The following LRP8 variants were observed in gnomAD, a reference collection of about 807,000 sequenced individuals.
The protein encoded by LRP8 is low-density lipoprotein receptor-related protein 8.
Under a neutral mutation model 111.6 loss-of-function variants are expected in LRP8, and 46 were observed. The ratio of observed to expected loss-of-function variants is 0.41; its 90% CI spans 0.33 to 0.53. The LOEUF (loss-of-function observed/expected upper bound fraction) is 0.53, where lower values mean the gene tolerates loss of function less well. Among genes scored for constraint, LRP8 ranks in the 20% least tolerant of loss-of-function variants. The probability of loss-of-function intolerance (pLI) is 0.20; values close to 1 mark genes in which losing one functional copy is unlikely to be tolerated. For synonymous variants in LRP8, 464 were observed against 511.2 expected (o/e 0.91, Z 1.24); for missense variants, 959 against 1,297.4 (o/e 0.74, Z 4.01).
At position 53,249,545 on chromosome 1, in the gene LRP8, G is replaced by T. The variant is rs1645831253; in HGVS notation, c.2688C>A (p.Ser896Arg). 6.2e-7 allele frequency: 1 copy of T among 1,601,162 alleles called. No individual in the cohort carries two copies. ...IGHVYPAAIS[S>R]FDRPLWAEPC... ...GCTCTGCCCACAGTGGGCGATCAAA[G>T]CTGCTGATTGCCTGACAGGGGGATG... is the stretch of plus-strand genomic sequence containing the variant. The change falls in exon 18 of 19, where the codon AGC (serine) becomes AGA (arginine). Residue 896 changes from serine (S) to arginine (R), a missense_variant. Physicochemically the swap from Ser to Arg is moderately radical, Grantham distance 110 (BLOSUM62 -1). Coordinates refer to ENST00000306052, the MANE Select transcript of LRP8 (RefSeq NM_004631.5). This position sits in a 1 kb window ranked among gnomAD's most constrained non-coding sequence, Gnocchi z 4.1.
At chr1:53,311,148 G>T (rs1652916759) in intron 2 of LRP8, among the ~76,000 whole-genome samples, 1 of 151,918 alleles carries the variant, frequency 6.6e-6, no homozygotes, top group African/African-American at 2.4e-5. Flanking sequence ...CCCTGCCCTG[G>T]TCCACCCCCA....
intron 2 of LRP8, 114 bp from the exon 3 acceptor site, chr1:53,289,803 G>C: frequency 7.3e-7 from 1 of 1,366,206 alleles, no homozygotes; most frequent in Non-Finnish European, 1.0e-6. Context: ...CTGACCAAGG[G>C]CAGAGGACAG....
At chr1:53,278,221 CT>C (rs147770275) in intron 4 of LRP8, among the ~76,000 whole-genome samples, 1,832 of 152,306 alleles carry the variant, frequency 0.012, 42 homozygotes, top group African/African-American at 0.042. Flanking sequence ...CTTGGCTTTT[CT>C]GGTTTTCTCC....
intron 3 of LRP8, among the ~76,000 whole-genome samples, chr1:53,284,588 A>C (rs2100444382): frequency 6.6e-6 from 1 of 152,296 alleles, no homozygotes; most frequent in Middle Eastern, 3.4e-3. Flanking sequence ...GGTTCTACAG[A>C]CCCCAGTGCA....
Position 53,279,255 on chromosome 1 carries a change from C to T in LRP8, c.496+1332G>A, listed in dbSNP as rs1647030657. On this transcript the variant is annotated intron_variant, in intron 4 of 18. Coordinates refer to ENST00000306052, the MANE Select transcript of LRP8 (RefSeq NM_004631.5). This position sits in a 1 kb window ranked among gnomAD's most constrained non-coding sequence, Gnocchi z 4.4. ...AGGGGTGGGAGGACTCTTTCCTCTG[C>T]CTAGGAGGGTGGAAGCTATAGCATA... is the stretch of plus-strand genomic sequence containing the variant. Among the ~76,000 whole-genome samples the T allele has an allele frequency of 6.6e-6, 1 of 152,048 alleles. No homozygotes were observed. Among genetic ancestry groups the T allele is most frequent in the Non-Finnish European group, 1.5e-5 (1 of 67,992 alleles).
intron 6 of LRP8, among the ~76,000 whole-genome samples, chr1:53,273,564 G>A (rs1198535148): frequency 6.6e-6 from 1 of 152,232 alleles, no homozygotes; most frequent in Non-Finnish European, 1.5e-5. Flanking sequence ...AGAGGGATTA[G>A]TAGGACAGTA....
At chr1:53,311,613 G>A (rs1572665833) in intron 2 of LRP8, among the ~76,000 whole-genome samples, 1 of 124,446 alleles carries the variant, frequency 8.0e-6, no homozygotes, top group Non-Finnish European at 1.5e-5. Flanking sequence ...TCCCCAGTGT[G>A]CTCCCCAGCC....
intron 2 of LRP8, among the ~76,000 whole-genome samples, chr1:53,315,840 C>A (rs759600233): frequency 5.3e-5 from 8 of 152,206 alleles, no homozygotes; most frequent in Non-Finnish European, 2.9e-5. Context: ...TGGAGGGCAG[C>A]CAGCCAGGTA....
At chr1:53,271,471 C>G (rs1011073053) in intron 6 of LRP8, 125 bp from the exon 7 acceptor site, 1 of 1,050,290 alleles carries the variant, frequency 9.5e-7, no homozygotes, top group East Asian at 2.4e-5. Context: ...CAGGAGGGCT[C>G]CACAACCTCA....
At chr1:53,316,359 T>A (rs1653796751) in intron 2 of LRP8, among the ~76,000 whole-genome samples, 1 of 152,098 alleles carries the variant, frequency 6.6e-6, no homozygotes, top group Non-Finnish European at 1.5e-5. Context: ...AGGCAGCTGA[T>A]GTAGAGTCTG....
intron 2 of LRP8, among the ~76,000 whole-genome samples, chr1:53,300,280 C>T (rs542147680): frequency 2.6e-5 from 4 of 152,210 alleles, no homozygotes; most frequent in Non-Finnish European, 4.4e-5. Flanking sequence ...CCTTCTTCCA[C>T]CTCCATGGGC....
intron 15 of LRP8, among the ~76,000 whole-genome samples, chr1:53,256,925 G>A (rs1646112826): frequency 6.6e-6 from 1 of 152,206 alleles, no homozygotes; most frequent in African/African-American, 2.4e-5. Flanking sequence ...AGCACCTCCA[G>A]TTATACCGGT....
intron 16 of LRP8, among the ~76,000 whole-genome samples, chr1:53,251,090 G>A (rs555505642): frequency 6.6e-6 from 1 of 152,200 alleles, no homozygotes; most frequent in Non-Finnish European, 1.5e-5. Context: ...CCCAACTGTG[G>A]GCAGAGTCAG....
chr1:53,253,096 C>T (rs929944721), intron 16 of LRP8, among the ~76,000 whole-genome samples: 9 of 151,858 alleles, frequency 5.9e-5, no homozygotes, highest in African/African-American at 1.2e-4. Context: ...CTACCTCATA[C>T]GATACTCTAA....
chr1:53,271,472 C>T, intron 6 of LRP8, 126 bp from the exon 7 acceptor site: 1 of 1,027,216 alleles, frequency 9.7e-7, no homozygotes, highest in South Asian at 1.5e-5. Flanking sequence ...AGGAGGGCTC[C>T]ACAACCTCAC....
rs56922372 is a variant in LRP8, at chr1:53,253,109, T to G, written c.2503+2008A>C. 2.8e-3 allele frequency among the ~76,000 whole-genome samples: 425 copies of G among 152,204 alleles called. 1 individual carries two copies. Among genetic ancestry groups the G allele is most frequent in the African/African-American group, 9.9e-3 (411 of 41,542 alleles). On this transcript the variant is annotated intron_variant, in intron 16 of 18. Transcript: ENST00000306052. ...CTCTACCTCATACGATACTCTAAAA[T>G]TTAAATTCCAAATAGATTAATATCC...
intron 2 of LRP8, among the ~76,000 whole-genome samples, chr1:53,297,230 A>G (rs147676274): frequency 6.2e-4 from 94 of 152,322 alleles, no homozygotes; most frequent in African/African-American, 2.0e-3. Context: ...TTGCACCCTA[A>G]GCCCCTGTGA....
intron 9 of LRP8, among the ~76,000 whole-genome samples, chr1:53,265,108 A>G (rs1019649502): frequency 1.9e-4 from 29 of 152,154 alleles, no homozygotes; most frequent in Admixed American, 3.3e-4. Context: ...AGATTAAGAG[A>G]GTCTGAAGAA....
Position 53,272,548 on chromosome 1 carries a change from G to T in LRP8, c.1007-1202C>A, listed in dbSNP as rs1019500305. On this transcript the variant is annotated intron_variant, in intron 6 of 18. Coordinates refer to ENST00000306052, the MANE Select transcript of LRP8 (RefSeq NM_004631.5). ...AGCTGCCCACCCCAGGCCATGCACAGCTATGGGGTGCCCCCACTTCCAGCC... is the reference window on the plus strand; with the variant it reads ...AGCTGCCCACCCCAGGCCATGCACATCTATGGGGTGCCCCCACTTCCAGCC... 3.1e-6 allele frequency: 4 copies of T among 1,287,900 alleles called. No homozygotes were observed. The South Asian group carries it at 3.7e-5, about 12-fold the overall frequency. The allele number at this position is 1,287,900 out of a possible 1,614,324, so 79.8% of individuals were successfully genotyped here. A position where few individuals can be genotyped will look rare whatever the true frequency, so the allele number is the denominator to read the frequency against.
Sources: allele counts gnomAD v4.1 joint callset (sites outside exome capture counted in the v4.1 genomes callset), GRCh38; gene constraint gnomAD v4.1.1; non-coding constraint Gnocchi (gnomAD v3.1); transcripts MANE v1.5; gene names NCBI Gene and HGNC (gene_info 2026-07-23, HGNC 2026-07-21).